The following ULK3 variants were observed in gnomAD, a reference collection of about 807,000 sequenced individuals.
ULK3 encodes the protein unc-51 like kinase 3.
In ULK3, 54 loss-of-function variants were observed where a neutral mutation model predicts 69.4. That is an observed-to-expected ratio of 0.78 (90% CI 0.63 to 0.98). The LOEUF is 0.98. Among genes scored for constraint, ULK3 ranks in the 50% least tolerant of loss-of-function variants. ULK3 has a pLI of 0.00. For synonymous variants in ULK3, 240 were observed against 254.5 expected (o/e 0.94, Z 0.54); for missense variants, 558 against 627.7 (o/e 0.89, Z 1.19).
chr15:74,841,347 A>C, intron 4 of ULK3, 58 bp downstream of exon 4: 1 of 1,428,714 alleles, frequency 7.0e-7, no homozygotes. Flanking sequence ...GAGTGAGCCC[A>C]GGCAGAGGGA....
In ULK3 at chr15:74,841,501, G is replaced by A; in HGVS notation, c.373C>T (p.Leu125=). The A allele has an allele frequency of 6.2e-7, 1 of 1,613,836 alleles. No homozygotes were observed. Among genetic ancestry groups the A allele is most frequent in the Non-Finnish European group, 8.5e-7 (1 of 1,179,830 alleles). Residue 125 remains leucine (L), a synonymous_variant, in exon 4 of 16, where the codon CTG becomes TTG. Transcript: ENST00000440863. ...RVFMQQLASA[L]QFLHERNISH... ...ATATTCCGTTCATGCAGGAATTGCA[G>A]GGCGCTAGCTGAGGAGCAGGACCCA... is the stretch of plus-strand genomic sequence containing the variant.
intron 13 of ULK3, 126 bp from the exon 14 acceptor site, chr15:74,837,924 G>A (rs1212844556): frequency 2.5e-6 from 3 of 1,205,270 alleles, no homozygotes; most frequent in Non-Finnish European, 3.5e-6. Context: ...CTTGCCTCCT[G>A]AGTCCCTTAT....
rs1263378161 is a variant in ULK3, at chr15:74,843,140, C to T, written c.-35G>A. The stretch of plus-strand genomic sequence containing the variant: ...CTGCGCCCGCGCGGGCGCTTCCTCG[C>T]TGCGGGCGGCGGTTCCGGCGGGTTG... On this transcript the variant is annotated 5_prime_UTR_variant, in exon 1 of 16. Coordinates refer to ENST00000440863, the MANE Select transcript of ULK3 (RefSeq NM_001099436.4). The T allele has an allele frequency of 1.6e-6, 2 of 1,215,306 alleles. No homozygotes were observed. Among genetic ancestry groups the T allele is most frequent in the Non-Finnish European group, 2.1e-6 (2 of 965,982 alleles). 75.3% of individuals were successfully genotyped at this position (1,215,306 alleles called of 1,614,324 possible).
At chr15:74,839,529 G>T in intron 7 of ULK3, 29 bp downstream of exon 7, 2 of 1,545,106 alleles carry the variant, frequency 1.3e-6, no homozygotes, top group South Asian at 2.4e-5. Context: ...CCCACCCTCA[G>T]CCCACCCCAG....
chr15:74,842,125 G>A lies in ULK3; in HGVS notation c.314C>T (p.Thr105Ile). The change falls in exon 3 of 16, where the codon ACC becomes ATC. Residue 105 changes from threonine (T) to isoleucine (I), a missense_variant. Physicochemically the swap from Thr to Ile is moderately conservative, Grantham distance 89. Coordinates refer to ENST00000440863, the MANE Select transcript of ULK3 (RefSeq NM_001099436.4). This position sits in a 1 kb window ranked among gnomAD's most constrained non-coding sequence, Gnocchi z 4.9. ...CACCTTCTCAGGCAGAATCCTGCGG[G>A]TATGGATGAAGCGAGACAGGTCGCC... is the stretch of plus-strand genomic sequence containing the variant. Reference protein sequence around the residue: ...AGGDLSRFIHTRRILPEKVAR... With the variant: ...AGGDLSRFIHIRRILPEKVAR... 1 of 1,613,988 alleles carries A rather than the reference G, an allele frequency of 6.2e-7. No individual in the cohort carries two copies. The highest frequency in any genetic ancestry group is 8.5e-7 in the Non-Finnish European group (1 of 1,179,892).
intron 7 of ULK3, 84 bp from the exon 8 acceptor site, chr15:74,839,457 G>A (rs1260176372): frequency 5.2e-6 from 8 of 1,539,796 alleles, no homozygotes; most frequent in African/African-American, 2.7e-5. Flanking sequence ...CCCTGAGCCC[G>A]CCCTCTGTCT....
At chr15:74,837,840 C>G (rs759770954) in intron 13 of ULK3, 42 bp from the exon 14 acceptor site, 5 of 1,478,680 alleles carry the variant, frequency 3.4e-6, no homozygotes, top group Admixed American at 2.0e-5. Flanking sequence ...GGGAGAGTGG[C>G]GGGGGGTGGG....
intron 6 of ULK3, 30 bp downstream of exon 6, chr15:74,840,204 C>G (rs1440939471): frequency 2.5e-6 from 4 of 1,587,718 alleles, no homozygotes; most frequent in Admixed American, 1.8e-5. Flanking sequence ...CTCTGCCCCC[C>G]AGTGGTCGCT....
chr15:74,838,962 G>T (rs991835568), intron 9 of ULK3, 48 bp downstream of exon 9: 2 of 1,569,884 alleles, frequency 1.3e-6, no homozygotes, highest in Non-Finnish European at 1.7e-6. Flanking sequence ...CGAGATCTCC[G>T]GGCCTTACCC....
At chr15:74,840,845 G>A (rs998533976) in intron 4 of ULK3, 9 of 656,820 alleles carry the variant, frequency 1.4e-5, no homozygotes, top group Middle Eastern at 4.2e-4. Flanking sequence ...CAGCTCCCTT[G>A]GGCACCTTTT....
rs1330944744 is a variant in ULK3, at chr15:74,839,546, C to T, written c.852+12G>A. On this transcript the variant is annotated intron_variant, in intron 7 of 15. Transcript: ENST00000440863. Reference sequence around the variant, plus strand: ...CACCCTCAGCCCACCCCAGCCCCAGCCGTCTGCTCACTGCTCGCCCCAGAC... The same window carrying T: ...CACCCTCAGCCCACCCCAGCCCCAGTCGTCTGCTCACTGCTCGCCCCAGAC... 2 of 1,550,826 alleles carry T rather than the reference C, an allele frequency of 1.3e-6. No individual in the cohort carries two copies. Among genetic ancestry groups the T allele is most frequent in the Non-Finnish European group, 1.7e-6 (2 of 1,149,566 alleles).
At chr15:74,839,138 TCCAGG>T in intron 8 of ULK3, 88 bp from the exon 9 acceptor site, 1 of 1,544,342 alleles carries the variant, frequency 6.5e-7, no homozygotes, top group Non-Finnish European at 8.8e-7. Flanking sequence ...AACACAATAT[TCCAGG>T]TTTACGCTCT....
chr15:74,838,378 C>T (rs756933365), intron 11 of ULK3, 34 bp from the exon 12 acceptor site: 21 of 1,562,612 alleles, frequency 1.3e-5, no homozygotes, highest in Admixed American at 1.1e-4. Flanking sequence ...TGCTTAGGGT[C>T]ATGGCCTGGG....
chr15:74,837,610 G>A, intron 14 of ULK3, 141 bp downstream of exon 14: 1 of 1,356,746 alleles, frequency 7.4e-7, no homozygotes, highest in Non-Finnish European at 1.0e-6. Flanking sequence ...AAGAGAGAGA[G>A]TGAAGGGCAG....
chr15:74,842,823 A>G lies in ULK3; in HGVS notation c.102+181T>C, dbSNP rs1304508934. 2 of 1,380,278 alleles carry G rather than the reference A, an allele frequency of 1.4e-6. No individual in the cohort carries two copies. The highest frequency in any genetic ancestry group is 2.5e-5 in the East Asian group (1 of 39,760). The allele number at this position is 1,380,278 out of a possible 1,614,324, so 85.5% of individuals were successfully genotyped here. On this transcript the variant is annotated intron_variant, in intron 1 of 15. Coordinates refer to ENST00000440863, the MANE Select transcript of ULK3 (RefSeq NM_001099436.4). The surrounding 1 kb of genome is among the most constrained non-coding windows in gnomAD (Gnocchi z 4.9). ...AGCCACTGACCCTGCAGGTGGGTGC[A>G]GGTGCGCTCTTTAAGACCTAAGCGT...
chr15:74,841,064 A>C (rs2064229320), intron 4 of ULK3, among the ~76,000 whole-genome samples: 1 of 152,166 alleles, frequency 6.6e-6, no homozygotes, highest in Admixed American at 6.5e-5. Flanking sequence ...CTGATGACAG[A>C]CCAAGTCCTG....
intron 13 of ULK3, 97 bp downstream of exon 13, chr15:74,838,055 G>A: frequency 6.7e-7 from 1 of 1,500,604 alleles, no homozygotes; most frequent in Non-Finnish European, 9.0e-7. Flanking sequence ...CACCCTGACA[G>A]TGGGACATTC....
chr15:74,839,353 A>G lies in ULK3; in HGVS notation c.873T>C (p.Ala291=). 6.4e-7 allele frequency: 1 copy of G among 1,564,146 alleles called. No individual in the cohort carries two copies. Among genetic ancestry groups the G allele is most frequent in the East Asian group, 2.4e-5 (1 of 41,940 alleles). Reference sequence around the variant, plus strand: ...AATCCCCCTCCTGGTCTTTCTTCACAGCCTGCACCACCAGGGCGGTCTGGG... The same window carrying G: ...AATCCCCCTCCTGGTCTTTCTTCACGGCCTGCACCACCAGGGCGGTCTGGG... ...LGRATALVVQ[A]VKKDQEGDSA... Residue 291 remains alanine (A), a synonymous_variant, in exon 8 of 16, where the codon GCT becomes GCC. Coordinates refer to ENST00000440863, the MANE Select transcript of ULK3 (RefSeq NM_001099436.4).
In ULK3 at chr15:74,839,032, C is replaced by T. The variant is rs747217232; in HGVS notation, c.977G>A (p.Arg326Gln). Residue 326 changes from arginine (R) to glutamine (Q), a missense_variant, in exon 9 of 16, where the codon CGG (arginine) becomes CAG (glutamine). Arg to Gln is a conservative substitution (Grantham distance 43). Transcript: ENST00000440863. ...CACCTTTGCCTTAATTGCCTCCTTCCGCTGGGCATCCACTTCATCTGCAGA... is the reference window on the plus strand; with the variant it reads ...CACCTTTGCCTTAATTGCCTCCTTCTGCTGGGCATCCACTTCATCTGCAGA... ...PALHYEVDAQ[R>Q]KEAIKAKVGQ... 1.3e-5 allele frequency: 21 copies of T among 1,605,336 alleles called. No homozygotes were observed. The highest frequency in any genetic ancestry group is 1.7e-4 in the Middle Eastern group (1 of 6,052).
Sources: allele counts gnomAD v4.1 joint callset (sites outside exome capture counted in the v4.1 genomes callset), GRCh38; gene constraint gnomAD v4.1.1; non-coding constraint Gnocchi (gnomAD v3.1); transcripts MANE v1.5; gene names NCBI Gene and HGNC (gene_info 2026-07-23, HGNC 2026-07-21).